MARCHF1: variants seen among roughly 807,000 people sequenced by gnomAD.
The protein encoded by MARCHF1 is membrane associated ring-CH-type finger 1, also known as E3 ubiquitin-protein ligase MARCHF1.
A neutral mutation model predicts 54.2 loss-of-function variants in MARCHF1; 40 were observed. The ratio of observed to expected loss-of-function variants is 0.74; its 90% confidence interval spans 0.57 to 0.96. The LOEUF is 0.96. MARCHF1 is among the 40% of genes least tolerant of loss of function. The pLI is 0.00. For synonymous variants in MARCHF1, 236 were observed against 236.3 expected (o/e 1.00, Z 0.01); for missense variants, 586 against 656.5 (o/e 0.89, Z 1.17).
At chr4:163,721,594 A>C (rs1394773780) in intron 4 of MARCHF1, among the ~76,000 whole-genome samples, 1 of 152,168 alleles carries the variant, frequency 6.6e-6, no homozygotes, top group Non-Finnish European at 1.5e-5. Flanking sequence ...GAATAGTTTC[A>C]GAAGGAATGG....
chr4:164,028,956 C>G (rs1374218554), intron 2 of MARCHF1, among the ~76,000 whole-genome samples: 1 of 152,220 alleles, frequency 6.6e-6, no homozygotes, highest in East Asian at 1.9e-4. Context: ...TGTATTGACT[C>G]ATAGTAACTT....
chr4:164,153,745 C>T (rs1232987512), intron 1 of MARCHF1, among the ~76,000 whole-genome samples: 6 of 152,088 alleles, frequency 3.9e-5, no homozygotes, highest in African/African-American at 1.4e-4. Flanking sequence ...TCTTCTTGTG[C>T]ATTTAAAATA....
intron 3 of MARCHF1, among the ~76,000 whole-genome samples, chr4:163,959,508 C>T (rs1308140950): frequency 1.3e-5 from 2 of 151,848 alleles, no homozygotes; most frequent in African/African-American, 4.8e-5. Context: ...AGGAATAAAA[C>T]CACACGTTTA....
At chr4:163,813,888 A>C (rs1462243842) in intron 4 of MARCHF1, among the ~76,000 whole-genome samples, 1 of 152,130 alleles carries the variant, frequency 6.6e-6, no homozygotes, top group Non-Finnish European at 1.5e-5. Context: ...AAAACCCCTC[A>C]TGGCCTTTGG....
intron 1 of MARCHF1, among the ~76,000 whole-genome samples, chr4:164,228,274 T>C (rs1032004594): frequency 3.3e-5 from 5 of 152,204 alleles, no homozygotes; most frequent in African/African-American, 1.2e-4. Flanking sequence ...TGCTTTGCTA[T>C]CACTAAAATT....
intron 1 of MARCHF1, among the ~76,000 whole-genome samples, chr4:164,126,937 C>A (rs1463416157): frequency 6.6e-6 from 1 of 152,046 alleles, no homozygotes; most frequent in Non-Finnish European, 1.5e-5. Context: ...GCCTGTAATC[C>A]CAGCTAATCT....
At chr4:164,117,613 A>C (rs1358750430) in intron 1 of MARCHF1, among the ~76,000 whole-genome samples, 2 of 151,964 alleles carry the variant, frequency 1.3e-5, no homozygotes, top group Non-Finnish European at 2.9e-5. Context: ...TAAAATCAAC[A>C]CTGAAGCTGG....
chr4:163,566,297 G>T (rs1403630527), intron 8 of MARCHF1, among the ~76,000 whole-genome samples: 5 of 152,152 alleles, frequency 3.3e-5, no homozygotes, highest in Non-Finnish European at 5.9e-5. Flanking sequence ...TGTTTGTCCG[G>T]GCTGCCCTTT....
intron 9 of MARCHF1, among the ~76,000 whole-genome samples, chr4:163,531,978 G>T (rs1002921855): frequency 6.6e-6 from 1 of 151,804 alleles, no homozygotes; most frequent in Non-Finnish European, 1.5e-5. Context: ...CCACATTTAT[G>T]GATAGGGAGA....
intron 1 of MARCHF1, among the ~76,000 whole-genome samples, chr4:164,225,239 T>A (rs1486129370): frequency 6.6e-6 from 1 of 152,108 alleles, no homozygotes; most frequent in Non-Finnish European, 1.5e-5. Flanking sequence ...TAGGAAACAT[T>A]TGTGCAATGA....
intron 1 of MARCHF1, among the ~76,000 whole-genome samples, chr4:164,232,440 G>A (rs141028976): frequency 1.3e-3 from 191 of 152,162 alleles, no homozygotes; most frequent in African/African-American, 4.4e-3. Flanking sequence ...AATGCCTTAT[G>A]TTAAGTATAT....
At position 164,237,483 on chromosome 4, in the gene MARCHF1, T is replaced by G. The variant is rs569207299; in HGVS notation, c.-322-125821A>C. Among the ~76,000 whole-genome samples, 3 of 152,164 alleles carry G rather than the reference T, an allele frequency of 2.0e-5. No individual in the cohort carries two copies. In the South Asian group the frequency reaches 6.2e-4, roughly 32 times the overall value. On this transcript the variant is annotated intron_variant, in intron 1 of 9. Transcript: ENST00000514618. ...AGGTGTTTTTAAAGACTAGGAACAT[T>G]CAAACACCTGGACCACAACCCATAA...
At chr4:163,766,088 G>C (rs561358727) in intron 4 of MARCHF1, among the ~76,000 whole-genome samples, 1 of 151,708 alleles carries the variant, frequency 6.6e-6, no homozygotes, top group African/African-American at 2.4e-5. Flanking sequence ...CATAATAAAA[G>C]TCAAACTCCA....
chr4:163,842,391 C>CGT (rs1749365408), intron 4 of MARCHF1, among the ~76,000 whole-genome samples: 1 of 150,220 alleles, frequency 6.7e-6, no homozygotes, highest in African/African-American at 2.4e-5. Flanking sequence ...GAGAATATTA[C>CGT]ATATATATGT....
intron 4 of MARCHF1, among the ~76,000 whole-genome samples, chr4:163,793,925 C>T (rs539341264): frequency 1.5e-4 from 23 of 152,236 alleles, no homozygotes; most frequent in East Asian, 1.9e-4. Flanking sequence ...TGAGTCTTGC[C>T]GAAGCTCCCG....
At chr4:164,151,789 C>A (rs563942414) in intron 1 of MARCHF1, among the ~76,000 whole-genome samples, 166 of 152,156 alleles carry the variant, frequency 1.1e-3, no homozygotes, top group African/African-American at 3.8e-3. Context: ...CACGCCCCCC[C>A]CAAAAAAATA....
chr4:164,160,188 A>C (rs190408352), intron 1 of MARCHF1, among the ~76,000 whole-genome samples: 5 of 152,022 alleles, frequency 3.3e-5, no homozygotes, highest in Non-Finnish European at 7.4e-5. Flanking sequence ...AACGATGGGG[A>C]TATGTTCTGA....
intron 4 of MARCHF1, among the ~76,000 whole-genome samples, chr4:163,730,138 G>T (rs992573496): frequency 2.2e-4 from 34 of 151,928 alleles, no homozygotes; most frequent in African/African-American, 7.7e-4. Context: ...CTTCAAGTTT[G>T]CTGATTCTTT....
At chr4:164,060,644 T>C (rs1754596003) in intron 2 of MARCHF1, among the ~76,000 whole-genome samples, 1 of 152,098 alleles carries the variant, frequency 6.6e-6, no homozygotes, top group Non-Finnish European at 1.5e-5. Flanking sequence ...CTGAATAGCT[T>C]TTACTTAGAA....
Sources: allele counts gnomAD v4.1 joint callset (sites outside exome capture counted in the v4.1 genomes callset), GRCh38; gene constraint gnomAD v4.1.1; transcripts MANE v1.5; gene names NCBI Gene and HGNC (gene_info 2026-07-23, HGNC 2026-07-21).